The following IPCEF1 variants were observed in gnomAD, a reference collection of about 807,000 sequenced individuals.
The protein encoded by IPCEF1 is interaction protein for cytohesin exchange factors 1, also known as interactor protein for cytohesin exchange factors 1.
IPCEF1 carries 31 observed loss-of-function variants against 50.9 expected under a neutral mutation model. The observed-to-expected ratio is 0.61, with a 90% CI of 0.46 to 0.82. The LOEUF (loss-of-function observed/expected upper bound fraction) is 0.82, where lower values mean the gene tolerates loss of function less well. IPCEF1 is among the 40% of genes least tolerant of loss of function. The pLI is 0.00. For synonymous variants in IPCEF1, 181 were observed against 192.0 expected (o/e 0.94, Z 0.47); for missense variants, 458 against 514.0 (o/e 0.89, Z 1.05).
chr6:154,269,980 A>G (rs181455971), intron 2 of IPCEF1, among the ~76,000 whole-genome samples: 1 of 152,348 alleles, frequency 6.6e-6, no homozygotes, highest in Admixed American at 6.5e-5. Flanking sequence ...GCAGCTTGTG[A>G]GAAAAATAAT....
At chr6:154,160,081 G>A in intron 11 of IPCEF1, 41 bp from the exon 12 acceptor site, 1 of 1,459,890 alleles carries the variant, frequency 6.8e-7, no homozygotes, top group East Asian at 2.3e-5. Context: ...TATGTTGAGA[G>A]TGTCTTAATT....
At chr6:154,214,127 C>T in intron 8 of IPCEF1, 91 bp downstream of exon 8, 1 of 850,728 alleles carries the variant, frequency 1.2e-6, no homozygotes, top group South Asian at 1.4e-5. Context: ...CAGGATCAGA[C>T]TATACATAGA....
chr6:154,207,177 G>A (rs949251842), intron 9 of IPCEF1, among the ~76,000 whole-genome samples: 2 of 152,214 alleles, frequency 1.3e-5, no homozygotes, highest in Non-Finnish European at 2.9e-5. Context: ...AGAGAGGCTG[G>A]GGGAGAGCCA....
At chr6:154,321,734 C>T (rs186406134) in intron 1 of IPCEF1, among the ~76,000 whole-genome samples, 75 of 139,854 alleles carry the variant, frequency 5.4e-4, no homozygotes, top group African/African-American at 1.9e-3. Context: ...GAGCCAAGAT[C>T]GCACCATTGC....
At chr6:154,284,152 T>C (rs1384404570) in intron 2 of IPCEF1, among the ~76,000 whole-genome samples, 1 of 152,184 alleles carries the variant, frequency 6.6e-6, no homozygotes, top group Non-Finnish European at 1.5e-5. Context: ...ATGATTTTGT[T>C]GGGGAAAAAA....
intron 1 of IPCEF1, among the ~76,000 whole-genome samples, chr6:154,319,614 C>A (rs1190595244): frequency 1.3e-5 from 2 of 152,202 alleles, no homozygotes; most frequent in African/African-American, 4.8e-5. Flanking sequence ...CTAACCAAAG[C>A]ATGTGTCATG....
At chr6:154,349,921 G>T (rs1308669247) in intron 1 of IPCEF1, among the ~76,000 whole-genome samples, 1 of 152,188 alleles carries the variant, frequency 6.6e-6, no homozygotes, top group Non-Finnish European at 1.5e-5. Context: ...ATATTTACCT[G>T]TTAAAAGAAT....
chr6:154,260,741 G>C (rs543979253), intron 3 of IPCEF1, among the ~76,000 whole-genome samples: 8 of 152,118 alleles, frequency 5.3e-5, no homozygotes, highest in Non-Finnish European at 1.2e-4. Context: ...AAAGTGCTGG[G>C]ATTACAGGCA....
intron 1 of IPCEF1, among the ~76,000 whole-genome samples, chr6:154,355,647 C>T (rs1230795238): frequency 1.3e-5 from 2 of 151,914 alleles, no homozygotes; most frequent in African/African-American, 4.8e-5. Context: ...TGCTCCCACG[C>T]CCAGTTAATT....
intron 9 of IPCEF1, among the ~76,000 whole-genome samples, chr6:154,205,528 G>A (rs1365432738): frequency 1.3e-5 from 2 of 152,208 alleles, no homozygotes; most frequent in Non-Finnish European, 2.9e-5. Flanking sequence ...CCAGGAGGCG[G>A]AAGTTGCAGT....
chr6:154,273,724 C>T (rs11759960), intron 2 of IPCEF1, among the ~76,000 whole-genome samples: 1,970 of 63,104 alleles, frequency 0.031, 2 homozygotes, highest in Non-Finnish European at 0.039. Flanking sequence ...TTCTTTCTTT[C>T]TTTTTTTTTT....
chr6:154,334,138 T>C (rs1230712491), intron 1 of IPCEF1, among the ~76,000 whole-genome samples: 3 of 152,204 alleles, frequency 2.0e-5, no homozygotes, highest in Admixed American at 6.5e-5. Context: ...AGTTTGGCAA[T>C]CCCAGTTCAC....
chr6:154,190,884 G>A (rs756661484), intron 10 of IPCEF1, among the ~76,000 whole-genome samples: 6 of 151,968 alleles, frequency 3.9e-5, no homozygotes, highest in Non-Finnish European at 5.9e-5. Context: ...GTGAAACCCC[G>A]TCTCTACTAA....
chr6:154,268,742 C>T (rs1781821112), intron 2 of IPCEF1, among the ~76,000 whole-genome samples: 2 of 147,994 alleles, frequency 1.4e-5, no homozygotes, highest in Admixed American at 7.3e-5. Flanking sequence ...TTCTATCTCC[C>T]TTACTCATTG....
At chr6:154,247,689 G>T in intron 3 of IPCEF1, 2 of 355,822 alleles carry the variant, frequency 5.6e-6, no homozygotes, top group South Asian at 6.9e-5. Flanking sequence ...AGCTGAACCT[G>T]AAAAAAAAAA....
At chr6:154,166,065 G>A (rs557161837) in intron 11 of IPCEF1, among the ~76,000 whole-genome samples, 2 of 152,386 alleles carry the variant, frequency 1.3e-5, no homozygotes, top group Admixed American at 6.5e-5. Flanking sequence ...AGACCTGGGG[G>A]CAGAGGCATT....
chr6:154,164,958 C>G (rs1799311235), intron 11 of IPCEF1, among the ~76,000 whole-genome samples: 1 of 152,170 alleles, frequency 6.6e-6, no homozygotes, highest in Admixed American at 6.5e-5. Flanking sequence ...GAAGTGCATT[C>G]ATTCCAGTAC....
chr6:154,281,401 C>CCTATTA (rs1019003797), intron 2 of IPCEF1, among the ~76,000 whole-genome samples: 1 of 151,800 alleles, frequency 6.6e-6, no homozygotes, highest in Admixed American at 6.6e-5. Flanking sequence ...GTGGTGCATG[C>CCTATTA]CTATAATCCT....
chr6:154,305,992 G>A (rs932138849), intron 1 of IPCEF1, among the ~76,000 whole-genome samples: 1 of 152,128 alleles, frequency 6.6e-6, no homozygotes, highest in African/African-American at 2.4e-5. Flanking sequence ...TCCTCAACTT[G>A]CAGAGGGCCT....
Sources: allele counts gnomAD v4.1 joint callset (sites outside exome capture counted in the v4.1 genomes callset), GRCh38; gene constraint gnomAD v4.1.1; transcripts MANE v1.5; gene names NCBI Gene and HGNC (gene_info 2026-07-23, HGNC 2026-07-21).